The following NUBPL variants were observed in gnomAD, a reference collection of about 807,000 sequenced individuals.
The protein encoded by NUBPL is iron-sulfur cluster transfer protein NUBPL.
In NUBPL, 31 loss-of-function variants were observed where a neutral mutation model predicts 45.7. That is an observed-to-expected ratio of 0.68 (90% CI 0.51 to 0.92). NUBPL has a LOEUF of 0.92. Among genes scored for constraint, NUBPL ranks in the 40% least tolerant of loss-of-function variants. NUBPL has a pLI of 0.00. For missense variants in NUBPL, 401 were observed against 398.7 expected (o/e 1.01, Z -0.05); for synonymous variants, 144 against 140.9 (o/e 1.02, Z -0.15).
At chr14:31,786,329 C>T (rs750098742) in intron 6 of NUBPL, among the ~76,000 whole-genome samples, 15 of 152,134 alleles carry the variant, frequency 9.9e-5, no homozygotes, top group Admixed American at 7.9e-4. Flanking sequence ...TGAAAGAAAA[C>T]GTCTTGAGCG....
At position 31,832,527 on chromosome 14, in the gene NUBPL, G is replaced by C. The variant is rs549416997; in HGVS notation, c.693+5813G>C. Among the ~76,000 whole-genome samples the C allele has an allele frequency of 3.9e-5, 6 of 152,278 alleles. No homozygotes were observed. The South Asian group carries it at 1.2e-3, about 32-fold the overall frequency. On this transcript the variant is annotated intron_variant, in intron 8 of 10. Transcript: ENST00000281081. ...ATCTCTGCCCTTCTTCTCTTTGAGAGTTGTGATTTAATAGTGTTTGTCAAG... is the reference window on the plus strand; with the variant it reads ...ATCTCTGCCCTTCTTCTCTTTGAGACTTGTGATTTAATAGTGTTTGTCAAG...
intron 6 of NUBPL, among the ~76,000 whole-genome samples, chr14:31,759,410 A>G (rs926132570): frequency 6.6e-6 from 1 of 151,872 alleles, no homozygotes; most frequent in Admixed American, 6.6e-5. Flanking sequence ...TAAAATTTTT[A>G]TATTTATTAA....
intron 4 of NUBPL, among the ~76,000 whole-genome samples, chr14:31,625,151 A>G (rs1455165342): frequency 1.3e-5 from 2 of 152,218 alleles, no homozygotes; most frequent in Non-Finnish European, 2.9e-5. Flanking sequence ...AGAAGTAGAA[A>G]GAAGACCAGG....
intron 6 of NUBPL, among the ~76,000 whole-genome samples, chr14:31,684,703 A>G (rs1229065046): frequency 6.6e-6 from 1 of 152,210 alleles, no homozygotes. Flanking sequence ...TTCTCCTATT[A>G]GACCCCAATT....
intron 3 of NUBPL, among the ~76,000 whole-genome samples, chr14:31,588,402 A>T (rs1462113676): frequency 5.5e-5 from 7 of 127,172 alleles, no homozygotes; most frequent in African/African-American, 2.2e-4. Context: ...AATCCTATAA[A>T]TTAGATCTCT....
intron 4 of NUBPL, among the ~76,000 whole-genome samples, chr14:31,635,394 AGTTGTAGATATGCGAC>A (rs1451975439): frequency 1.3e-5 from 2 of 152,028 alleles, no homozygotes; most frequent in Non-Finnish European, 2.9e-5. Context: ...AAGATCAGAT[AGTTGTAGATATGCGAC>A]GTTATTTCTG....
intron 6 of NUBPL, among the ~76,000 whole-genome samples, chr14:31,720,023 A>G (rs982269976): frequency 6.6e-6 from 1 of 152,196 alleles, no homozygotes; most frequent in Non-Finnish European, 1.5e-5. Flanking sequence ...TTACTTACAT[A>G]CAACATTGAG....
chr14:31,749,917 T>C (rs1368906527), intron 6 of NUBPL, among the ~76,000 whole-genome samples: 1 of 152,168 alleles, frequency 6.6e-6, no homozygotes, highest in East Asian at 1.9e-4. Flanking sequence ...TTGTTCCTCC[T>C]ACTGAGTTAT....
intron 6 of NUBPL, among the ~76,000 whole-genome samples, chr14:31,754,811 T>C (rs1235623253): frequency 6.7e-6 from 1 of 149,878 alleles, no homozygotes; most frequent in Non-Finnish European, 1.5e-5. Flanking sequence ...ACTCGTCATT[T>C]AGCATTAGGT....
intron 4 of NUBPL, among the ~76,000 whole-genome samples, chr14:31,663,870 AAC>A: frequency 6.6e-6 from 1 of 152,324 alleles, no homozygotes; most frequent in African/African-American, 2.4e-5. Context: ...CCTATCCATG[AAC>A]ACAGAATATT....
chr14:31,743,753 C>G (rs1016101717), intron 6 of NUBPL, among the ~76,000 whole-genome samples: 2 of 152,046 alleles, frequency 1.3e-5, no homozygotes, highest in Non-Finnish European at 1.5e-5. Context: ...TTGCATGCAT[C>G]TGAAAAGTTT....
At chr14:31,711,129 T>A (rs2037561001) in intron 6 of NUBPL, among the ~76,000 whole-genome samples, 1 of 152,188 alleles carries the variant, frequency 6.6e-6, no homozygotes, top group Non-Finnish European at 1.5e-5. Context: ...CGACATGCCT[T>A]TGAGGGTTCC....
intron 6 of NUBPL, among the ~76,000 whole-genome samples, chr14:31,723,121 A>G (rs539538386): frequency 6.6e-6 from 1 of 152,220 alleles, no homozygotes; most frequent in Non-Finnish European, 1.5e-5. Context: ...ATTTTTGTAT[A>G]TGGTGTAAGG....
At chr14:31,718,072 G>A (rs188536164) in intron 6 of NUBPL, among the ~76,000 whole-genome samples, 12 of 152,250 alleles carry the variant, frequency 7.9e-5, no homozygotes, top group African/African-American at 2.9e-4. Flanking sequence ...CTTTCCAAGA[G>A]TCACTAACTG....
At chr14:31,827,181 T>TA (rs1595684924) in intron 8 of NUBPL, among the ~76,000 whole-genome samples, 1 of 152,044 alleles carries the variant, frequency 6.6e-6, no homozygotes, top group African/African-American at 2.4e-5. Flanking sequence ...AAAAATAAGA[T>TA]AAAAATAGAC....
chr14:31,601,140 T>C (rs1160139337), intron 4 of NUBPL, among the ~76,000 whole-genome samples: 4 of 152,256 alleles, frequency 2.6e-5, no homozygotes, highest in African/African-American at 9.6e-5. Context: ...AGTACCATGC[T>C]GTTTTGGTTA....
At chr14:31,782,465 T>G (rs1426573854) in intron 6 of NUBPL, among the ~76,000 whole-genome samples, 1 of 151,952 alleles carries the variant, frequency 6.6e-6, no homozygotes, top group Admixed American at 6.6e-5. Context: ...ATTAGAATTT[T>G]TAACTCTTAG....
chr14:31,680,909 A>T (rs1322974544), intron 6 of NUBPL, among the ~76,000 whole-genome samples: 1 of 152,112 alleles, frequency 6.6e-6, no homozygotes, highest in Non-Finnish European at 1.5e-5. Context: ...ACCCGTGGAT[A>T]TGGTGGGCCA....
chr14:31,606,455 C>T (rs1055226999), intron 4 of NUBPL, among the ~76,000 whole-genome samples: 1 of 152,100 alleles, frequency 6.6e-6, no homozygotes, highest in African/African-American at 2.4e-5. Flanking sequence ...TCTAGTTATT[C>T]CTTAAGTCAC....
Sources: allele counts gnomAD v4.1 joint callset (sites outside exome capture counted in the v4.1 genomes callset), GRCh38; gene constraint gnomAD v4.1.1; transcripts MANE v1.5; gene names NCBI Gene and HGNC (gene_info 2026-07-23, HGNC 2026-07-21).